Variants in AGBL1 observed in about 807,000 individuals in gnomAD.
AGBL1 encodes cytosolic carboxypeptidase 4.
In AGBL1, 130 loss-of-function variants were observed where a neutral mutation model predicts 118.9. The observed-to-expected ratio is 1.09, with a 90% confidence interval of 0.95 to 1.26. The LOEUF (loss-of-function observed/expected upper bound fraction) is 1.26. Ranked by LOEUF, AGBL1 falls within the 50% of genes most tolerant of loss-of-function variation. The probability of loss-of-function intolerance (pLI) is 0.00; values close to 1 mark genes in which losing one functional copy is unlikely to be tolerated. For synonymous variants in AGBL1, 555 were observed against 478.9 expected (o/e 1.16, Z -2.08); for missense variants, 1,584 against 1,298.1 (o/e 1.22, Z -3.38).
chr15:86,954,096 G>C (rs2080906238), intron 23 of AGBL1, among the ~76,000 whole-genome samples: 1 of 152,004 alleles, frequency 6.6e-6, no homozygotes, highest in Non-Finnish European at 1.5e-5. Flanking sequence ...CTATTAAAAA[G>C]TCAAAATAAT....
intron 24 of AGBL1, among the ~76,000 whole-genome samples, chr15:87,011,518 C>A (rs923315193): frequency 6.6e-6 from 1 of 152,130 alleles, no homozygotes; most frequent in African/African-American, 2.4e-5. Context: ...TGTATGTCAC[C>A]AAAATATTCC....
chr15:86,130,506 T>C (rs1033223827), intron 1 of AGBL1, among the ~76,000 whole-genome samples: 5 of 152,094 alleles, frequency 3.3e-5, no homozygotes, highest in Admixed American at 2.0e-4. Context: ...TCTAAAATCA[T>C]TATGGAAAAA....
Position 86,248,690 on chromosome 15 carries a change from G to A in AGBL1, c.735+811G>A, listed in dbSNP as rs376839996. 5.9e-5 allele frequency among the ~76,000 whole-genome samples: 9 copies of A among 152,202 alleles called. No homozygotes were observed. The East Asian group carries it at 1.5e-3, about 26-fold the overall frequency. On this transcript the variant is annotated intron_variant, in intron 7 of 22. Coordinates refer to ENST00000614907, the MANE Select transcript of AGBL1 (RefSeq NM_001386094.1). ...ATAATTAGCAGTGGAATCTAGTGGT[G>A]GATATGACAAACGAGGCCCTTGATC...
chr15:86,752,111 G>A (rs2077863550), intron 22 of AGBL1, among the ~76,000 whole-genome samples: 1 of 151,994 alleles, frequency 6.6e-6, no homozygotes, highest in Admixed American at 6.6e-5. Context: ...ATCTTAGCAG[G>A]AGTTAATGTA....
intron 22 of AGBL1, among the ~76,000 whole-genome samples, chr15:86,741,724 G>C (rs1344077383): frequency 6.6e-6 from 1 of 151,976 alleles, no homozygotes; most frequent in African/African-American, 2.4e-5. Flanking sequence ...TGATGAAAAA[G>C]ATCCTTGGCT....
At chr15:86,672,244 G>A (rs1855546298) in intron 21 of AGBL1, among the ~76,000 whole-genome samples, 1 of 152,150 alleles carries the variant, frequency 6.6e-6, no homozygotes, top group African/African-American at 2.4e-5. Context: ...AAGGTCTTCT[G>A]GACTACTTGT....
At chr15:86,234,643 G>C (rs1471863170) in intron 6 of AGBL1, among the ~76,000 whole-genome samples, 1 of 151,382 alleles carries the variant, frequency 6.6e-6, no homozygotes, top group Admixed American at 6.6e-5. Context: ...ACTGTGTAGA[G>C]TTGAACTGTG....
intron 22 of AGBL1, among the ~76,000 whole-genome samples, chr15:86,905,143 G>A (rs573823347): frequency 6.6e-6 from 1 of 152,164 alleles, no homozygotes; most frequent in African/African-American, 2.4e-5. Context: ...TTAGGAAATT[G>A]TGAAGGCTTG....
At chr15:86,965,195 AG>A (rs2081036824) in intron 23 of AGBL1, among the ~76,000 whole-genome samples, 1 of 152,148 alleles carries the variant, frequency 6.6e-6, no homozygotes. Flanking sequence ...TAGATCCTTG[AG>A]GAATCGCCAC....
intron 22 of AGBL1, among the ~76,000 whole-genome samples, chr15:86,825,066 A>G (rs930387052): frequency 2.6e-5 from 4 of 152,044 alleles, no homozygotes; most frequent in African/African-American, 9.7e-5. Flanking sequence ...CAAAACAAAA[A>G]CAAACAAACA....
intron 17 of AGBL1, among the ~76,000 whole-genome samples, chr15:86,390,092 C>A (rs957026736): frequency 2.0e-4 from 30 of 151,886 alleles, no homozygotes; most frequent in African/African-American, 7.0e-4. Flanking sequence ...AAATACTAAC[C>A]AAAAGAAAGC....
At chr15:86,634,037 G>A (rs919562476) in intron 21 of AGBL1, among the ~76,000 whole-genome samples, 3 of 151,780 alleles carry the variant, frequency 2.0e-5, no homozygotes, top group East Asian at 3.9e-4. Flanking sequence ...CCATTAAAAT[G>A]GCTGAAATAA....
intron 17 of AGBL1, among the ~76,000 whole-genome samples, chr15:86,339,781 A>G (rs993390763): frequency 1.3e-5 from 2 of 152,140 alleles, no homozygotes; most frequent in Non-Finnish European, 2.9e-5. Flanking sequence ...ATCCTGGCCA[A>G]CATGATGAAA....
At chr15:86,101,185 TATTG>T (rs1476458962) in intron 1 of AGBL1, among the ~76,000 whole-genome samples, 1 of 152,176 alleles carries the variant, frequency 6.6e-6, no homozygotes, top group Non-Finnish European at 1.5e-5. Context: ...GTTCGTTTGT[TATTG>T]ATTTTTAGTT....
At chr15:86,646,608 T>C (rs1282912145) in intron 21 of AGBL1, among the ~76,000 whole-genome samples, 1 of 152,154 alleles carries the variant, frequency 6.6e-6, no homozygotes, top group Non-Finnish European at 1.5e-5. Flanking sequence ...TTATTGAGTA[T>C]ACTTGAACAA....
intron 21 of AGBL1, among the ~76,000 whole-genome samples, chr15:86,648,554 A>G (rs2085322705): frequency 6.6e-6 from 1 of 152,180 alleles, no homozygotes; most frequent in Non-Finnish European, 1.5e-5. Context: ...GTTTTGTGTA[A>G]GATTTCTGTT....
At chr15:86,942,265 T>C (rs78155602) in intron 23 of AGBL1, among the ~76,000 whole-genome samples, 2,362 of 152,170 alleles carry the variant, frequency 0.016, 27 homozygotes, top group Admixed American at 0.024. Context: ...CCCATAGCAA[T>C]TGTGCTTGGA....
At chr15:86,128,331 G>C (rs1009740167) in intron 1 of AGBL1, among the ~76,000 whole-genome samples, 1 of 151,986 alleles carries the variant, frequency 6.6e-6, no homozygotes, top group Non-Finnish European at 1.5e-5. Flanking sequence ...AGAACAGTAT[G>C]GGGGAAACCA....
chr15:86,942,345 G>A (rs1286662652), intron 23 of AGBL1, among the ~76,000 whole-genome samples: 1 of 152,202 alleles, frequency 6.6e-6, no homozygotes, highest in African/African-American at 2.4e-5. Context: ...ACTCCTGGAA[G>A]GGCTCATTTG....
Sources: gnomAD v4.1 joint callset for allele counts (sites outside exome capture counted in the v4.1 genomes callset) on GRCh38, gnomAD v4.1.1 for gene constraint, MANE v1.5 for transcripts, NCBI Gene and HGNC (gene_info 2026-07-23, HGNC 2026-07-21) for gene names.